DLGAP2: variants seen among roughly 807,000 people sequenced by gnomAD.
DLGAP2 encodes disks large-associated protein 2.
Under a neutral mutation model 100.3 loss-of-function variants are expected in DLGAP2, and 26 were observed. That is an observed-to-expected ratio of 0.26 (90% CI 0.19 to 0.36). The LOEUF is 0.36. Ranked by LOEUF, DLGAP2 falls within the 10% of genes least tolerant of loss-of-function variation. The pLI, the probability that DLGAP2 is intolerant of heterozygous loss-of-function variation, is 1.00. For synonymous variants in DLGAP2, 886 were observed against 630.1 expected, an observed-to-expected ratio of 1.41 and a Z score of -6.08; for missense variants, 1,858 against 1,453.2, an observed-to-expected ratio of 1.28 and a Z score of -4.53.
intron 2 of DLGAP2, among the ~76,000 whole-genome samples, chr8:1,201,990 ATG>A (rs2116760864): frequency 1.3e-5 from 2 of 150,352 alleles, no homozygotes; most frequent in South Asian, 2.1e-4. Context: ...ATCTGTGTAT[ATG>A]TGGTGTGTGT....
At chr8:1,267,756 C>T (rs1488499689) in intron 3 of DLGAP2, among the ~76,000 whole-genome samples, 1 of 152,012 alleles carries the variant, frequency 6.6e-6, no homozygotes, top group Non-Finnish European at 1.5e-5. Flanking sequence ...CCATCCCTTC[C>T]CTTTTTCTCC....
chr8:1,384,680 G>A (rs1431152595), intron 3 of DLGAP2, among the ~76,000 whole-genome samples: 3 of 97,142 alleles, frequency 3.1e-5, no homozygotes, highest in African/African-American at 9.3e-5. Context: ...GCCTGTGCCC[G>A]TCCCCTGAGA....
intron 2 of DLGAP2, among the ~76,000 whole-genome samples, chr8:1,044,492 C>A (rs185651083): frequency 6.6e-6 from 1 of 152,320 alleles, no homozygotes; most frequent in East Asian, 1.9e-4. Context: ...GCAGTCCTAG[C>A]GCTGAAATCT....
Position 1,678,129 on chromosome 8 carries a change from G to A in DLGAP2, c.2289-85G>A, listed in dbSNP as rs73672926. On this transcript the variant is annotated intron_variant, in intron 11 of 14. Transcript: ENST00000637795. ...CCGCCAGGCTGTTGAGCTCAGGTGC[G>A]CTCCTGACAGGCGACATGTAGGACT... The A allele has an allele frequency of 2.6e-3, 3,887 of 1,482,064 alleles. 87 individuals are homozygous for A. The African/African-American group carries it at 0.048, about 18-fold the overall frequency. The allele number at this position is 1,482,064 out of a possible 1,614,324, so 91.8% of individuals were successfully genotyped here.
chr8:1,624,710 G>C (rs978163166), intron 6 of DLGAP2, among the ~76,000 whole-genome samples: 3 of 151,986 alleles, frequency 2.0e-5, no homozygotes, highest in African/African-American at 4.8e-5. Context: ...GCTGGTGCCG[G>C]TCCCCACATC....
chr8:1,308,225 C>T (rs1457572309), intron 3 of DLGAP2, among the ~76,000 whole-genome samples: 3 of 152,136 alleles, frequency 2.0e-5, no homozygotes, highest in African/African-American at 4.8e-5. Context: ...TTGTCTTTTT[C>T]GTTTGTAGCT....
chr8:1,298,235 T>A (rs1368683736), intron 3 of DLGAP2, among the ~76,000 whole-genome samples: 2 of 152,150 alleles, frequency 1.3e-5, no homozygotes, highest in Non-Finnish European at 2.9e-5. Flanking sequence ...TGTGATCTTA[T>A]TTCAGCATCT....
At position 1,449,800 on chromosome 8, in the gene DLGAP2, G is replaced by T. The variant is rs573879942; in HGVS notation, c.107-51566G>T. ...AGAAGGAGCCGTGCTGCACTGGGCT[G>T]CCGTGAAGACGAGGTGGGCGGCCTC... On this transcript the variant is annotated intron_variant, in intron 3 of 14. Transcript: ENST00000637795. Among the ~76,000 whole-genome samples, 2 of 111,996 alleles carry T rather than the reference G, an allele frequency of 1.8e-5. 1 individual carries two copies. The highest frequency in any genetic ancestry group is 6.1e-4 in the East Asian group (2 of 3,264). 73.5% of individuals were successfully genotyped at this position (111,996 alleles called of 152,430 possible).
chr8:962,695 G>T (rs946568242), intron 2 of DLGAP2, among the ~76,000 whole-genome samples: 1 of 152,186 alleles, frequency 6.6e-6, no homozygotes, highest in Non-Finnish European at 1.5e-5. Context: ...AGATGGAGCA[G>T]AGTGGAACCC....
At chr8:1,427,561 A>G (rs1797270622) in intron 3 of DLGAP2, among the ~76,000 whole-genome samples, 2 of 152,206 alleles carry the variant, frequency 1.3e-5, no homozygotes, top group African/African-American at 2.4e-5. Flanking sequence ...CTTGAATTGT[A>G]ACTCCCACAA....
chr8:1,460,055 C>T (rs902094861), intron 3 of DLGAP2, among the ~76,000 whole-genome samples: 10 of 152,218 alleles, frequency 6.6e-5, no homozygotes, highest in African/African-American at 1.9e-4. Flanking sequence ...ACCATGAGAA[C>T]ACCCATCCCA....
At chr8:1,059,788 C>T (rs1444411632) in intron 2 of DLGAP2, among the ~76,000 whole-genome samples, 1 of 152,146 alleles carries the variant, frequency 6.6e-6, no homozygotes, top group Non-Finnish European at 1.5e-5. Flanking sequence ...CCGCAGGAAC[C>T]ACCAGGACAG....
chr8:848,272 T>TGTG (rs1241515535), intron 1 of DLGAP2, among the ~76,000 whole-genome samples: 1 of 151,908 alleles, frequency 6.6e-6, no homozygotes, highest in African/African-American at 2.4e-5. Flanking sequence ...TATAGGATCG[T>TGTG]GTGGTGTGTG....
chr8:1,593,809 C>T (rs1328924889), intron 6 of DLGAP2, among the ~76,000 whole-genome samples: 7 of 152,198 alleles, frequency 4.6e-5, no homozygotes, highest in Admixed American at 6.5e-5. Context: ...CGTAGATCCT[C>T]TCCCTCCTCA....
chr8:1,116,265 G>A (rs1384347972), intron 2 of DLGAP2, among the ~76,000 whole-genome samples: 2 of 152,182 alleles, frequency 1.3e-5, no homozygotes, highest in Admixed American at 6.5e-5. Flanking sequence ...TTTCTGTATT[G>A]TCAAGTGACT....
At chr8:1,389,844 C>A (rs207468899) in intron 3 of DLGAP2, among the ~76,000 whole-genome samples, 2 of 152,026 alleles carry the variant, frequency 1.3e-5, no homozygotes, top group East Asian at 3.9e-4. Context: ...TGCCCCAGAC[C>A]CAGATCTGCC....
chr8:1,537,722 AAAGGATGGAAGGAAGGAAGGAAGGAAGG>A (rs1436315751), intron 4 of DLGAP2, among the ~76,000 whole-genome samples: 2 of 121,338 alleles, frequency 1.6e-5, no homozygotes, highest in Non-Finnish European at 3.5e-5. Context: ...TGGATGGATG[AAAGGATGGAAGGAAGGAAGGAAGGAAGG>A]AAGGAAGGAA....
At chr8:1,156,741 C>T (rs1314211124) in intron 2 of DLGAP2, among the ~76,000 whole-genome samples, 1 of 152,162 alleles carries the variant, frequency 6.6e-6, no homozygotes, top group East Asian at 1.9e-4. Context: ...ACTCAGCACC[C>T]CCGTTTGGTG....
intron 8 of DLGAP2, among the ~76,000 whole-genome samples, chr8:1,667,039 C>G (rs1350682783): frequency 6.6e-6 from 1 of 152,238 alleles, no homozygotes; most frequent in African/African-American, 2.4e-5. Flanking sequence ...ACGTCACAAG[C>G]AGCCTGGCAG....
Sources: gnomAD v4.1 joint callset for allele counts (sites outside exome capture counted in the v4.1 genomes callset) on GRCh38, gnomAD v4.1.1 for gene constraint, MANE v1.5 for transcripts, NCBI Gene and HGNC (gene_info 2026-07-23, HGNC 2026-07-21) for gene names.